The following RBPJ variants were observed in gnomAD, a reference collection of about 807,000 sequenced individuals.
The protein encoded by RBPJ is recombining binding protein suppressor of hairless.
A neutral mutation model predicts 67.8 loss-of-function variants in RBPJ; 9 were observed. That is an observed-to-expected ratio of 0.13 (90% CI 0.08 to 0.23). RBPJ has a LOEUF of 0.23. Ranked by LOEUF, RBPJ falls within the 10% of genes least tolerant of loss-of-function variation. The pLI is 1.00. For missense variants in RBPJ, 305 were observed against 595.6 expected (o/e 0.51, Z 5.08); for synonymous variants, 198 against 203.3 (o/e 0.97, Z 0.22).
intron 1 of RBPJ, among the ~76,000 whole-genome samples, chr4:26,204,245 G>T (rs1718090859): frequency 6.6e-6 from 1 of 152,174 alleles, no homozygotes; most frequent in African/African-American, 2.4e-5. Flanking sequence ...ACCATGCCTG[G>T]CTGAAGTCAG....
Position 26,430,781 on chromosome 4 carries a change from T to G in RBPJ, c.1238T>G (p.Val413Gly). ...GTCCGGCAACCAGTCCAGGTTCCAG[T>G]AACTTTGGTCCGAAATGATGGAATC... ...RWVRQPVQVPVTLVRNDGIIY... is the reference protein window; with the variant it reads ...RWVRQPVQVPGTLVRNDGIIY... Residue 413 changes from valine (V) to glycine (G), a missense_variant, in exon 11 of 11, where the codon GTA (valine) becomes GGA (glycine). This residue lies in a region of RBPJ where 47 missense variants were observed against 128.2 expected (regional missense o/e 0.37). Transcript: ENST00000355476. The surrounding 1 kb of genome is among the most constrained non-coding windows in gnomAD (Gnocchi z 4.1). 6.2e-7 allele frequency: 1 copy of G among 1,614,108 alleles called. No homozygotes were observed. The highest frequency in any genetic ancestry group is 8.5e-7 in the Non-Finnish European group (1 of 1,180,016).
chr4:26,295,273 T>TGTGTGTGG, intron 1 of RBPJ, among the ~76,000 whole-genome samples: 1 of 149,200 alleles, frequency 6.7e-6, no homozygotes, highest in Admixed American at 6.7e-5. Context: ...TGTGTGTGGG[T>TGTGTGTGG]GTGTGTGTGT....
intron 1 of RBPJ, among the ~76,000 whole-genome samples, chr4:26,362,022 C>T (rs1274757592): frequency 2.0e-5 from 3 of 152,112 alleles, no homozygotes; most frequent in East Asian, 1.9e-4. Flanking sequence ...TCATTAATAA[C>T]GGCATCAGGA....
intron 2 of RBPJ, among the ~76,000 whole-genome samples, chr4:26,391,873 C>T (rs1159238523): frequency 6.6e-6 from 1 of 152,198 alleles, no homozygotes; most frequent in Non-Finnish European, 1.5e-5. Context: ...TTATAAGCCA[C>T]AAATTTATGT....
At chr4:26,245,719 A>G (rs545454660) in intron 1 of RBPJ, among the ~76,000 whole-genome samples, 2 of 152,298 alleles carry the variant, frequency 1.3e-5, no homozygotes, top group South Asian at 4.1e-4. Context: ...TCTTGCAGTT[A>G]GCCCTATAAT....
chr4:26,111,835 G>A, the RBPJ span: 1 of 169,904 alleles, frequency 5.9e-6, no homozygotes, highest in Middle Eastern at 1.3e-3. Flanking sequence ...GTGACACATG[G>A]AGACCTCTCT....
intron 1 of RBPJ, among the ~76,000 whole-genome samples, chr4:26,366,639 C>T (rs978509867): frequency 6.6e-6 from 1 of 151,980 alleles, no homozygotes; most frequent in African/African-American, 2.4e-5. Flanking sequence ...CCAGGATGGC[C>T]TCAATCTCCT....
At chr4:26,280,415 A>G (rs1344495962) in intron 1 of RBPJ, among the ~76,000 whole-genome samples, 86 of 148,434 alleles carry the variant, frequency 5.8e-4, no homozygotes, top group African/African-American at 1.2e-3. Context: ...AAAAAAAAAA[A>G]AGAGAGAGAG....
At chr4:26,344,610 TGTG>T (rs1440210002) in intron 1 of RBPJ, among the ~76,000 whole-genome samples, 9 of 152,202 alleles carry the variant, frequency 5.9e-5, no homozygotes, top group Non-Finnish European at 7.3e-5. Flanking sequence ...ATAAGGGAGA[TGTG>T]GTAATTTTTT....
intron 1 of RBPJ, among the ~76,000 whole-genome samples, chr4:26,290,132 C>T (rs1457445719): frequency 6.7e-6 from 1 of 149,338 alleles, no homozygotes. Flanking sequence ...GAGTTCGAAA[C>T]CAGCCTAGGC....
At chr4:26,134,979 A>G in the RBPJ span, among the ~76,000 whole-genome samples, 1 of 152,152 alleles carries the variant, frequency 6.6e-6, no homozygotes, top group Non-Finnish European at 1.5e-5. Flanking sequence ...CTTCGGTACC[A>G]CAGTTCTTTC....
At chr4:26,202,912 CAA>C (rs67852295) in intron 1 of RBPJ, among the ~76,000 whole-genome samples, 3 of 140,906 alleles carry the variant, frequency 2.1e-5, no homozygotes, top group Admixed American at 7.3e-5. Flanking sequence ...ACCAGACTGT[CAA>C]AAAAAAAAGA....
At chr4:26,105,909 G>A in the RBPJ span, among the ~76,000 whole-genome samples, 3 of 152,350 alleles carry the variant, frequency 2.0e-5, no homozygotes, top group South Asian at 6.2e-4. Flanking sequence ...TGGACTGCAA[G>A]CAAATCTGTG....
chr4:26,311,791 T>G (rs1722437173), intron 1 of RBPJ, among the ~76,000 whole-genome samples: 2 of 152,178 alleles, frequency 1.3e-5, no homozygotes, highest in Non-Finnish European at 2.9e-5. Context: ...TCTCCCTGCA[T>G]GCAGTGACTC....
intron 2 of RBPJ, among the ~76,000 whole-genome samples, chr4:26,391,184 A>G (rs1731465608): frequency 6.6e-6 from 1 of 152,248 alleles, no homozygotes; most frequent in Non-Finnish European, 1.5e-5. Context: ...AAATTTATAT[A>G]GAAATGCAAA....
chr4:26,312,135 A>AT lies in RBPJ; in HGVS notation c.-166-50307dup, dbSNP rs199753046. On this transcript the variant is annotated intron_variant, in intron 1 of 4. Transcript: ENST00000512351. ...TACCAGGGCCTTCTTATTTTATTTT[A>AT]TTTTATTTTTTTTTGAGACAGAGTC... Among the ~76,000 whole-genome samples, 469 of 147,558 alleles carry AT rather than the reference A, an allele frequency of 3.2e-3. 4 individuals are homozygous for AT. The highest frequency in any genetic ancestry group is 0.01 in the Middle Eastern group (3 of 292).
chr4:26,342,907 G>C (rs1389314897), intron 1 of RBPJ, among the ~76,000 whole-genome samples: 1 of 152,142 alleles, frequency 6.6e-6, no homozygotes, highest in Non-Finnish European at 1.5e-5. Flanking sequence ...AGATTCTCAT[G>C]TTTTTTGGTA....
intron 1 of RBPJ, among the ~76,000 whole-genome samples, chr4:26,350,596 A>G (rs1726693666): frequency 6.6e-6 from 1 of 150,722 alleles, no homozygotes; most frequent in African/African-American, 2.5e-5. Context: ...CTATAGACAT[A>G]TGATAGGTGA....
At chr4:26,248,306 A>C (rs113675507) in intron 1 of RBPJ, among the ~76,000 whole-genome samples, 1 of 152,138 alleles carries the variant, frequency 6.6e-6, no homozygotes, top group East Asian at 1.9e-4. Flanking sequence ...TCAATCAATC[A>C]ATCAATAAAA....
Sources: gnomAD v4.1 joint callset for allele counts (sites outside exome capture counted in the v4.1 genomes callset) on GRCh38, gnomAD v4.1.1 for gene constraint, gnomAD v4.1.1 regional missense constraint, Gnocchi (gnomAD v3.1) non-coding constraint, MANE v1.5 for transcripts, NCBI Gene and HGNC (gene_info 2026-07-23, HGNC 2026-07-21) for gene names.